Variants in CEP57 observed in about 807,000 individuals in gnomAD.
CEP57 encodes centrosomal protein of 57 kDa.
CEP57 carries 40 observed loss-of-function variants against 68.0 expected under a neutral mutation model. That is an observed-to-expected ratio of 0.59 (90% CI 0.46 to 0.77). The LOEUF (loss-of-function observed/expected upper bound fraction) is 0.77, where lower values mean the gene tolerates loss of function less well. CEP57 is among the 30% of genes least tolerant of loss of function. The probability of loss-of-function intolerance (pLI) is 0.00; values close to 1 mark genes in which losing one functional copy is unlikely to be tolerated. For missense variants in CEP57, 606 were observed against 580.7 expected (o/e 1.04, Z -0.45); for synonymous variants, 219 against 198.7 (o/e 1.10, Z -0.86).
At chr11:95,822,325 G>C in intron 7 of CEP57, 174 bp from the exon 8 acceptor site, 1 of 618,256 alleles carries the variant, frequency 1.6e-6, no homozygotes, top group Non-Finnish European at 2.9e-6. Context: ...CCTTTCCTAG[G>C]CTAGGATATA....
At chr11:95,810,512 A>C (rs1242844598) in intron 2 of CEP57, among the ~76,000 whole-genome samples, 1 of 152,248 alleles carries the variant, frequency 6.6e-6, no homozygotes, top group African/African-American at 2.4e-5. Context: ...GTCTCAGGAT[A>C]CAAAATCAAT....
intron 1 of CEP57, chr11:95,794,460 C>T (rs1861246557): frequency 5.3e-6 from 2 of 374,950 alleles, no homozygotes; most frequent in African/African-American, 2.1e-5. Flanking sequence ...TGGATGGTAT[C>T]GTCCCACTTG....
rs947469290 is a variant in CEP57, at chr11:95,831,341, C to G, written c.*85C>G. On this transcript the variant is annotated 3_prime_UTR_variant, in exon 11 of 11. Coordinates refer to ENST00000325542, the MANE Select transcript of CEP57 (RefSeq NM_014679.5). ...CAATTTACTTCCCAGGTCTCATACT[C>G]ACTTATGTTGGAATTAATTAATAGC... 2 of 976,366 alleles carry G rather than the reference C, an allele frequency of 2.0e-6. No homozygotes were observed. The highest frequency in any genetic ancestry group is 3.3e-5 in the African/African-American group (2 of 61,428). 60.5% of individuals were successfully genotyped at this position (976,366 alleles called of 1,614,324 possible). A position where few individuals can be genotyped will look rare whatever the true frequency, so the allele number is the denominator to read the frequency against.
chr11:95,809,154 C>T (rs1254941), intron 2 of CEP57, among the ~76,000 whole-genome samples: 42,358 of 151,954 alleles, frequency 0.28, 7,071 homozygotes, highest in Non-Finnish European at 0.38. Flanking sequence ...TTGAAACCAA[C>T]GAGAACAAAG....
chr11:95,806,482 C>T (rs1158100939), intron 2 of CEP57, among the ~76,000 whole-genome samples: 1 of 152,158 alleles, frequency 6.6e-6, no homozygotes, highest in African/African-American at 2.4e-5. Context: ...CCAAGGGAAG[C>T]CTTGACACAC....
chr11:95,796,487 G>A (rs1290088345), intron 1 of CEP57, among the ~76,000 whole-genome samples: 3 of 152,188 alleles, frequency 2.0e-5, no homozygotes, highest in Non-Finnish European at 4.4e-5. Flanking sequence ...AGCTTTTGGT[G>A]ATCTCTTAAA....
intron 2 of CEP57, among the ~76,000 whole-genome samples, chr11:95,810,005 A>T (rs888372122): frequency 4.6e-5 from 7 of 152,200 alleles, no homozygotes; most frequent in Non-Finnish European, 8.8e-5. Flanking sequence ...ATCCACCAAG[A>T]TCAAGTTGGC....
At position 95,811,027 on chromosome 11, in the gene CEP57, C is replaced by T. The variant is rs532656104; in HGVS notation, c.203-1905C>T. On this transcript the variant is annotated intron_variant, in intron 2 of 10. Transcript: ENST00000325542. ...GTTCAACCATTGTGGAAGACTGTGG[C>T]GATTCCTCAAGTATCTAGAACTAGA... is the stretch of plus-strand genomic sequence containing the variant. 2.6e-5 allele frequency among the ~76,000 whole-genome samples: 4 copies of T among 152,258 alleles called. No homozygotes were observed. In the East Asian group the frequency reaches 7.7e-4, roughly 29 times the overall value.
chr11:95,814,177 C>T (rs1002277391), intron 4 of CEP57, among the ~76,000 whole-genome samples: 5 of 152,104 alleles, frequency 3.3e-5, no homozygotes, highest in African/African-American at 9.7e-5. Context: ...CTCATCCTCC[C>T]GAGTAGCTGG....
chr11:95,803,231 C>G (rs1861655721), intron 2 of CEP57, among the ~76,000 whole-genome samples: 1 of 152,038 alleles, frequency 6.6e-6, no homozygotes, highest in Admixed American at 6.6e-5. Flanking sequence ...AAAAAGCATA[C>G]TTAGAGGAAT....
At chr11:95,825,290 G>A (rs550606061) in intron 8 of CEP57, among the ~76,000 whole-genome samples, 2 of 152,234 alleles carry the variant, frequency 1.3e-5, no homozygotes, top group South Asian at 2.1e-4. Context: ...AATTCCTGTT[G>A]GAGAAAACTC....
At chr11:95,816,977 C>T (rs1351234738) in intron 4 of CEP57, among the ~76,000 whole-genome samples, 1 of 151,376 alleles carries the variant, frequency 6.6e-6, no homozygotes, top group Non-Finnish European at 1.5e-5. Context: ...TGCCACCGCA[C>T]TCCAGCCTGG....
chr11:95,799,008 A>G (rs1341838902), intron 1 of CEP57, among the ~76,000 whole-genome samples: 1 of 152,240 alleles, frequency 6.6e-6, no homozygotes, highest in Non-Finnish European at 1.5e-5. Context: ...TTCAAGTTGT[A>G]TGAACATTAT....
At chr11:95,790,807 C>G (rs945473376) in intron 1 of CEP57, 64 bp downstream of exon 1, 34 of 1,573,918 alleles carry the variant, frequency 2.2e-5, no homozygotes, top group African/African-American at 9.4e-5. Flanking sequence ...AGTTTCCTCA[C>G]GTTTCAGGGC....
chr11:95,821,883 C>A lies in CEP57; in HGVS notation c.712C>A (p.Leu238Ile). Reference protein sequence around the residue: ...QAKAAELQTGLETNRLIFEDK... With the variant: ...QAKAAELQTGIETNRLIFEDK... ...TCATTTTTCCTAGTTGCAGACTGGT[C>A]TAGAAACAAATAGACTTATCTTTGA... Residue 238 changes from leucine to isoleucine, a missense_variant, in exon 7 of 11, where the codon CTA becomes ATA. Leu to Ile is a conservative substitution (Grantham distance 5). Coordinates refer to ENST00000325542, the MANE Select transcript of CEP57 (RefSeq NM_014679.5). 6.2e-7 allele frequency: 1 copy of A among 1,610,118 alleles called. No individual in the cohort carries two copies. Among genetic ancestry groups the A allele is most frequent in the South Asian group, 1.1e-5 (1 of 90,932 alleles).
At chr11:95,821,749 G>A in intron 6 of CEP57, 122 bp from the exon 7 acceptor site, 1 of 699,026 alleles carries the variant, frequency 1.4e-6, no homozygotes, top group Non-Finnish European at 2.6e-6. Flanking sequence ...TTATACAGCT[G>A]TAATATGTTT....
intron 4 of CEP57, among the ~76,000 whole-genome samples, chr11:95,816,783 C>T (rs955041556): frequency 2.6e-5 from 4 of 152,046 alleles, no homozygotes; most frequent in Non-Finnish European, 4.4e-5. Context: ...TAATGGTTTA[C>T]GGGTGGATTA....
At chr11:95,796,020 T>G (rs1186050766) in intron 1 of CEP57, among the ~76,000 whole-genome samples, 1 of 152,230 alleles carries the variant, frequency 6.6e-6, no homozygotes, top group Non-Finnish European at 1.5e-5. Context: ...AGCAGTGTTC[T>G]GTTGAATGCA....
intron 8 of CEP57, among the ~76,000 whole-genome samples, chr11:95,823,713 C>T (rs145239456): frequency 1.9e-3 from 285 of 152,152 alleles, no homozygotes; most frequent in East Asian, 1.4e-3. Flanking sequence ...TTGTAGCCAC[C>T]TTCTGTTGCC....
Sources: gnomAD v4.1 joint callset for allele counts (sites outside exome capture counted in the v4.1 genomes callset) on GRCh38, gnomAD v4.1.1 for gene constraint, MANE v1.5 for transcripts, NCBI Gene and HGNC (gene_info 2026-07-23, HGNC 2026-07-21) for gene names.